The following SGMS1 variants were observed in gnomAD, a reference collection of about 807,000 sequenced individuals.
The protein encoded by SGMS1 is phosphatidylcholine:ceramide cholinephosphotransferase 1.
A neutral mutation model predicts 46.2 loss-of-function variants in SGMS1; 13 were observed. The observed-to-expected ratio is 0.28, with a 90% CI of 0.18 to 0.45. The LOEUF is 0.45. SGMS1 is among the 20% of genes least tolerant of loss of function. The pLI is 1.00. For synonymous variants in SGMS1, 203 were observed against 187.8 expected (o/e 1.08, Z -0.66); for missense variants, 324 against 519.9 (o/e 0.62, Z 3.66).
chr10:50,348,784 A>G (rs1281069074), intron 6 of SGMS1, among the ~76,000 whole-genome samples: 1 of 152,212 alleles, frequency 6.6e-6, no homozygotes, highest in African/African-American at 2.4e-5. Context: ...TCAAGCTACC[A>G]CTGACTTTCT....
chr10:50,544,147 A>G (rs1316831886), intron 2 of SGMS1, among the ~76,000 whole-genome samples: 2 of 152,232 alleles, frequency 1.3e-5, no homozygotes, highest in Admixed American at 6.5e-5. Flanking sequence ...AATAAAAACC[A>G]TATCAGGTGA....
chr10:50,420,462 C>T (rs1849240975), intron 6 of SGMS1, among the ~76,000 whole-genome samples: 1 of 152,204 alleles, frequency 6.6e-6, no homozygotes, highest in Admixed American at 6.5e-5. Context: ...CATCACATGA[C>T]AAATGTCAAA....
chr10:50,377,908 C>T (rs922755001), intron 6 of SGMS1, among the ~76,000 whole-genome samples: 1 of 152,154 alleles, frequency 6.6e-6, no homozygotes, highest in Non-Finnish European at 1.5e-5. Flanking sequence ...GTCAAATCTC[C>T]CTCTGCCCCT....
intron 3 of SGMS1, among the ~76,000 whole-genome samples, chr10:50,468,328 T>C (rs1299192789): frequency 1.3e-5 from 2 of 152,200 alleles, no homozygotes; most frequent in African/African-American, 4.8e-5. Context: ...AATGAAGCCT[T>C]ATAATTAGAT....
intron 2 of SGMS1, among the ~76,000 whole-genome samples, chr10:50,577,216 G>C (rs915283246): frequency 2.6e-5 from 4 of 152,138 alleles, no homozygotes; most frequent in Admixed American, 1.3e-4. Flanking sequence ...GATGATCAAC[G>C]GGGATGACAC....
chr10:50,497,790 T>A (rs966528702), intron 3 of SGMS1, among the ~76,000 whole-genome samples: 8 of 150,776 alleles, frequency 5.3e-5, no homozygotes, highest in Non-Finnish European at 4.4e-5. Flanking sequence ...GCAAAACTCA[T>A]CTAAAAAAAA....
chr10:50,592,980 C>T (rs1838556577), intron 1 of SGMS1, among the ~76,000 whole-genome samples: 1 of 152,196 alleles, frequency 6.6e-6, no homozygotes, highest in Non-Finnish European at 1.5e-5. Context: ...CCACTTGGAA[C>T]AGGGCTGGCA....
At chr10:50,616,468 G>C (rs1348620315) in intron 1 of SGMS1, among the ~76,000 whole-genome samples, 2 of 152,106 alleles carry the variant, frequency 1.3e-5, no homozygotes, top group Non-Finnish European at 2.9e-5. Context: ...CATTAGGGGA[G>C]GTATTCCACC....
chr10:50,459,175 A>G (rs1239849247), intron 5 of SGMS1, among the ~76,000 whole-genome samples: 2 of 152,176 alleles, frequency 1.3e-5, no homozygotes, highest in Non-Finnish European at 2.9e-5. Context: ...CAACTCAGAA[A>G]ACAGAATCAG....
At chr10:50,507,451 A>G (rs1460146098) in intron 3 of SGMS1, among the ~76,000 whole-genome samples, 2 of 152,186 alleles carry the variant, frequency 1.3e-5, no homozygotes, top group Non-Finnish European at 2.9e-5. Context: ...GAAACAGGCT[A>G]AAATACAGGC....
rs554742644 is a variant in SGMS1 at position 50,623,520 on chromosome 10, G to A, written c.-684+187C>T. The stretch of plus-strand genomic sequence containing the variant: ...GGACCTCCCCGCTGTGACCACCCAC[G>A]GGAGCAGCAGCTCTGGAGGACTGCC... On this transcript the variant is annotated intron_variant, in intron 1 of 10. Coordinates refer to ENST00000361781, the MANE Select transcript of SGMS1 (RefSeq NM_147156.4). The A allele has an allele frequency of 3.4e-4, 321 of 949,554 alleles. 1 individual carries two copies. The African/African-American group carries it at 5.2e-3, about 15-fold the overall frequency. 58.8% of individuals were successfully genotyped at this position (949,554 alleles called of 1,614,324 possible). A position where few individuals can be genotyped will look rare whatever the true frequency, so the allele number is the denominator to read the frequency against.
intron 6 of SGMS1, among the ~76,000 whole-genome samples, chr10:50,348,063 G>A (rs1847943301): frequency 6.6e-6 from 1 of 151,948 alleles, no homozygotes; most frequent in African/African-American, 2.4e-5. Flanking sequence ...AGTGTGTAAT[G>A]TTCTCCTCCC....
chr10:50,392,694 A>G (rs1457478588), intron 6 of SGMS1, among the ~76,000 whole-genome samples: 4 of 152,212 alleles, frequency 2.6e-5, no homozygotes, highest in Non-Finnish European at 5.9e-5. Context: ...CAAAAGGTAA[A>G]TAATTGAAAA....
chr10:50,454,050 CAAAAAAAAA>C (rs71846628), intron 5 of SGMS1, among the ~76,000 whole-genome samples: 1 of 98,016 alleles, frequency 1.0e-5, no homozygotes, highest in South Asian at 3.5e-4. Flanking sequence ...TTTACATAGG[CAAAAAAAAA>C]AAAAAAAAAA....
At position 50,307,868 on chromosome 10, in the gene SGMS1, T is replaced by C. The variant is rs1847199119; in HGVS notation, c.1062+114A>G. The C allele has an allele frequency of 1.1e-6, 1 of 952,144 alleles. No individual in the cohort carries two copies. Among genetic ancestry groups the C allele is most frequent in the East Asian group, 2.4e-5 (1 of 41,200 alleles). 59.0% of individuals were successfully genotyped at this position (952,144 alleles called of 1,614,324 possible). On this transcript the variant is annotated intron_variant, in intron 10 of 10. Transcript: ENST00000361781. This position sits in a 1 kb window ranked among gnomAD's most constrained non-coding sequence, Gnocchi z 4.2. ...AAAAAAACAATACAATCTTAGTTGA[T>C]TACTACTTAAGAAAGAGAAACTTCA... is the stretch of plus-strand genomic sequence containing the variant.
intron 1 of SGMS1, among the ~76,000 whole-genome samples, chr10:50,594,708 T>C (rs1192141811): frequency 6.6e-6 from 1 of 152,198 alleles, no homozygotes; most frequent in Non-Finnish European, 1.5e-5. Flanking sequence ...TGATAGCAAA[T>C]GTTTTTATCA....
At chr10:50,468,255 T>A (rs1837348360) in intron 3 of SGMS1, among the ~76,000 whole-genome samples, 1 of 152,156 alleles carries the variant, frequency 6.6e-6, no homozygotes, top group African/African-American at 2.4e-5. Flanking sequence ...ATAAAGCTAT[T>A]CCTCTTTACA....
At chr10:50,533,599 C>T (rs554944324) in intron 2 of SGMS1, among the ~76,000 whole-genome samples, 12 of 152,090 alleles carry the variant, frequency 7.9e-5, no homozygotes, top group South Asian at 4.2e-4. Flanking sequence ...TGTTTACATA[C>T]GATGTTTTGC....
chr10:50,526,407 C>T (rs1837901987), intron 2 of SGMS1, among the ~76,000 whole-genome samples: 1 of 152,138 alleles, frequency 6.6e-6, no homozygotes, highest in African/African-American at 2.4e-5. Context: ...CCTCCCCTGA[C>T]ACATGGGGAT....
Sources: gnomAD v4.1 joint callset for allele counts (sites outside exome capture counted in the v4.1 genomes callset) on GRCh38, gnomAD v4.1.1 for gene constraint, Gnocchi (gnomAD v3.1) non-coding constraint, MANE v1.5 for transcripts, NCBI Gene and HGNC (gene_info 2026-07-23, HGNC 2026-07-21) for gene names.